SIDT1: variants seen among roughly 807,000 people sequenced by gnomAD.
The protein encoded by SIDT1 is SID1 transmembrane family member 1, also known as SID1 transmembrane family, member 1.
SIDT1 carries 101 observed loss-of-function variants against 107.5 expected under a neutral mutation model. The ratio of observed to expected loss-of-function variants is 0.94; its 90% CI spans 0.80 to 1.11. The LOEUF is 1.11. Ranked by LOEUF, SIDT1 falls within the 50% of genes least tolerant of loss-of-function variation. SIDT1 has a pLI of 0.00. For synonymous variants in SIDT1, 395 were observed against 398.2 expected, an observed-to-expected ratio of 0.99 and a Z score of 0.10; for missense variants, 1,076 against 1,058.2, an observed-to-expected ratio of 1.02 and a Z score of -0.23.
Position 113,567,961 on chromosome 3 carries a change from C to T in SIDT1, c.515+251C>T, listed in dbSNP as rs1942077365. On this transcript the variant is annotated intron_variant, in intron 3 of 24. Transcript: ENST00000264852. The stretch of plus-strand genomic sequence containing the variant: ...GTTTTCAGGGATCAGTGTGAGGAAC[C>T]TGTCCAGCCTGAAGTATAGGCAAGA... 1.3e-5 allele frequency: 5 copies of T among 385,084 alleles called. No homozygotes were observed. The South Asian group carries it at 3.5e-4, about 27-fold the overall frequency. 23.9% of individuals were successfully genotyped at this position (385,084 alleles called of 1,614,324 possible). A position where few individuals can be genotyped will look rare whatever the true frequency, so the allele number is the denominator to read the frequency against.
chr3:113,575,931 G>A (rs562698575), intron 3 of SIDT1, among the ~76,000 whole-genome samples: 75 of 152,318 alleles, frequency 4.9e-4, no homozygotes, highest in South Asian at 2.3e-3. Flanking sequence ...GCAGGGGCAC[G>A]CACTCCCAGG....
intron 1 of SIDT1, among the ~76,000 whole-genome samples, chr3:113,564,267 G>A (rs1354056664): frequency 6.6e-6 from 1 of 152,220 alleles, no homozygotes; most frequent in African/African-American, 2.4e-5. Flanking sequence ...TAATCCAGTG[G>A]TGGGGGTGTA....
chr3:113,539,486 G>A (rs1576687366), intron 1 of SIDT1, among the ~76,000 whole-genome samples: 1 of 150,866 alleles, frequency 6.6e-6, no homozygotes, highest in East Asian at 1.9e-4. Flanking sequence ...CTGGGAACTA[G>A]GGGTCCTTAT....
intron 17 of SIDT1, among the ~76,000 whole-genome samples, chr3:113,610,414 A>G (rs1945650100): frequency 6.6e-6 from 1 of 152,234 alleles, no homozygotes; most frequent in Non-Finnish European, 1.5e-5. Flanking sequence ...TCAGACACTT[A>G]AAGTTTTTAT....
intron 1 of SIDT1, among the ~76,000 whole-genome samples, chr3:113,560,761 G>A (rs1941356526): frequency 6.6e-6 from 1 of 152,118 alleles, no homozygotes; most frequent in Non-Finnish European, 1.5e-5. Context: ...CATTATTTTA[G>A]CAAAAATAAA....
At chr3:113,607,171 G>T in intron 15 of SIDT1, 57 bp downstream of exon 15, 5 of 1,073,002 alleles carry the variant, frequency 4.7e-6, no homozygotes, top group Non-Finnish European at 7.0e-6. Context: ...TCTGTCTAAT[G>T]TTGTGATTTC....
At chr3:113,571,929 C>T (rs538566437) in intron 3 of SIDT1, among the ~76,000 whole-genome samples, 14 of 151,704 alleles carry the variant, frequency 9.2e-5, no homozygotes, top group Non-Finnish European at 1.5e-4. Flanking sequence ...AGCAAGACTC[C>T]GTCTCACACA....
At chr3:113,565,770 G>A (rs114611526) in intron 1 of SIDT1, among the ~76,000 whole-genome samples, 161 of 152,228 alleles carry the variant, frequency 1.1e-3, no homozygotes, top group African/African-American at 3.5e-3. Flanking sequence ...CTGGGGAAGC[G>A]TCATGATTTA....
chr3:113,583,108 G>A (rs538040690), intron 6 of SIDT1, among the ~76,000 whole-genome samples: 4 of 152,180 alleles, frequency 2.6e-5, no homozygotes, highest in African/African-American at 9.6e-5. Flanking sequence ...TTAAACATAG[G>A]CTATTCACAT....
chr3:113,605,096 T>A (rs1945229255), intron 14 of SIDT1, 120 bp downstream of exon 14: 1 of 938,514 alleles, frequency 1.1e-6, no homozygotes, highest in Non-Finnish European at 1.6e-6. Context: ...CCCATTGGGG[T>A]TCCAATTGGA....
At position 113,580,484 on chromosome 3, in the gene SIDT1, A is replaced by C. The variant is rs528244079; in HGVS notation, c.562-124A>C. 3.3e-5 allele frequency: 22 copies of C among 660,074 alleles called. No individual in the cohort carries two copies. The East Asian group carries it at 5.2e-4, about 16-fold the overall frequency. The allele number at this position is 660,074 out of a possible 1,614,324, so 40.9% of individuals were successfully genotyped here. A position where few individuals can be genotyped will look rare whatever the true frequency, so the allele number is the denominator to read the frequency against. ...TAGTTTCTCAATATGTATGAGATGA[A>C]GAGCTGACTGAATTCATTAATGGAG... On this transcript the variant is annotated intron_variant, in intron 4 of 24. Transcript: ENST00000264852.
chr3:113,590,661 C>T (rs1006400539), intron 9 of SIDT1, among the ~76,000 whole-genome samples: 1 of 152,178 alleles, frequency 6.6e-6, no homozygotes, highest in African/African-American at 2.4e-5. Flanking sequence ...TATTTCTCTA[C>T]ACTAGCAATG....
chr3:113,568,463 G>C (rs1437985053), intron 3 of SIDT1, among the ~76,000 whole-genome samples: 1 of 151,624 alleles, frequency 6.6e-6, no homozygotes, highest in South Asian at 2.1e-4. Context: ...GCACGGTGGC[G>C]GGCACCTGTA....
At chr3:113,574,997 A>G (rs1350739880) in intron 3 of SIDT1, among the ~76,000 whole-genome samples, 1 of 152,174 alleles carries the variant, frequency 6.6e-6, no homozygotes, top group Non-Finnish European at 1.5e-5. Context: ...AACAGATACA[A>G]TGTTTATTTT....
chr3:113,583,381 T>G, intron 6 of SIDT1, 28 bp from the exon 7 acceptor site: 1 of 1,535,482 alleles, frequency 6.5e-7, no homozygotes, highest in South Asian at 1.2e-5. Flanking sequence ...TCTTACCGCC[T>G]ATCATAAGGT....
chr3:113,613,729 T>C (rs1004295230), intron 19 of SIDT1, among the ~76,000 whole-genome samples: 1 of 152,224 alleles, frequency 6.6e-6, no homozygotes, highest in African/African-American at 2.4e-5. Flanking sequence ...CTTCCAGAGT[T>C]GGAAAAATAA....
At chr3:113,593,114 C>T in intron 10 of SIDT1, 66 bp downstream of exon 10, 1 of 1,265,944 alleles carries the variant, frequency 7.9e-7, no homozygotes, top group Non-Finnish European at 1.2e-6. Context: ...CCATTTCATG[C>T]TTCTTTTACC....
chr3:113,614,703 G>A (rs537839305), intron 19 of SIDT1, among the ~76,000 whole-genome samples: 7 of 152,130 alleles, frequency 4.6e-5, no homozygotes, highest in Non-Finnish European at 8.8e-5. Context: ...CTCATAAACC[G>A]CAGAGCTGCT....
chr3:113,615,179 G>T (rs1380007254), intron 19 of SIDT1: 3 of 1,293,136 alleles, frequency 2.3e-6, no homozygotes, highest in Non-Finnish European at 3.2e-6. Context: ...CCTCTTTCAG[G>T]CCGGGCAGAC....
Sources: allele counts gnomAD v4.1 joint callset (sites outside exome capture counted in the v4.1 genomes callset), GRCh38; gene constraint gnomAD v4.1.1; transcripts MANE v1.5; gene names NCBI Gene and HGNC (gene_info 2026-07-23, HGNC 2026-07-21).